Variants in TMEM178A observed in about 807,000 individuals in gnomAD.
The protein encoded by TMEM178A is transmembrane protein 178.
A neutral mutation model predicts 29.1 loss-of-function variants in TMEM178A; 12 were observed. That is an observed-to-expected ratio of 0.41 (90% confidence interval 0.26 to 0.67). The LOEUF (loss-of-function observed/expected upper bound fraction) is 0.67. TMEM178A is among the 30% of genes least tolerant of loss of function. The pLI, the probability that TMEM178A is intolerant of heterozygous loss-of-function variation, is 0.29. For synonymous variants in TMEM178A, 210 were observed against 187.2 expected, an observed-to-expected ratio of 1.12 and a Z score of -0.99; for missense variants, 366 against 419.1, an observed-to-expected ratio of 0.87 and a Z score of 1.11.
At chr2:39,708,925 A>G (rs531606745) in intron 3 of TMEM178A, among the ~76,000 whole-genome samples, 1 of 152,330 alleles carries the variant, frequency 6.6e-6, no homozygotes, top group Non-Finnish European at 1.5e-5. Context: ...TGAATGCCAC[A>G]TTAACTGGGC....
intron 1 of TMEM178A, among the ~76,000 whole-genome samples, chr2:39,683,259 A>G (rs1049481780): frequency 4.6e-5 from 7 of 152,260 alleles, no homozygotes; most frequent in Admixed American, 2.6e-4. Flanking sequence ...TACCTCCTCC[A>G]TCGTCCGTCC....
chr2:39,676,921 G>A (rs539487514), intron 1 of TMEM178A, among the ~76,000 whole-genome samples: 1 of 152,304 alleles, frequency 6.6e-6, no homozygotes, highest in South Asian at 2.1e-4. Flanking sequence ...TGTTTGAAGA[G>A]CTGTTTGAGT....
chr2:39,673,442 C>G (rs1392036074), intron 1 of TMEM178A, among the ~76,000 whole-genome samples: 1 of 152,226 alleles, frequency 6.6e-6, no homozygotes, highest in Non-Finnish European at 1.5e-5. Context: ...TGGATGTCCT[C>G]CAGTGTTCAG....
At chr2:39,682,799 A>AG (rs1167410739) in intron 1 of TMEM178A, among the ~76,000 whole-genome samples, 1 of 152,238 alleles carries the variant, frequency 6.6e-6, no homozygotes, top group Admixed American at 6.5e-5. Context: ...AGAATTACAT[A>AG]GCCAAGGGAC....
intron 2 of TMEM178A, among the ~76,000 whole-genome samples, chr2:39,704,892 G>T (rs2716680): frequency 0.024 from 3,603 of 152,290 alleles, 153 homozygotes; most frequent in African/African-American, 0.083. Context: ...AGGACTTCAG[G>T]ATCTTGTTTG....
intron 3 of TMEM178A, among the ~76,000 whole-genome samples, chr2:39,708,618 C>T (rs1001228440): frequency 6.6e-6 from 1 of 151,196 alleles, no homozygotes; most frequent in South Asian, 2.1e-4. Context: ...GGGGTTTCAC[C>T]GTGTTAGCCA....
At chr2:39,691,210 C>T (rs1558452859) in intron 1 of TMEM178A, among the ~76,000 whole-genome samples, 1 of 152,098 alleles carries the variant, frequency 6.6e-6, no homozygotes, top group Non-Finnish European at 1.5e-5. Flanking sequence ...CATCCAGATC[C>T]ACAATGCTCA....
At chr2:39,693,205 CCTT>C (rs1305665285) in intron 1 of TMEM178A, among the ~76,000 whole-genome samples, 2 of 152,208 alleles carry the variant, frequency 1.3e-5, no homozygotes, top group Non-Finnish European at 1.5e-5. Context: ...TTGCTTCCCA[CCTT>C]CTTTGGATGC....
intron 1 of TMEM178A, among the ~76,000 whole-genome samples, chr2:39,671,754 C>T (rs2148054139): frequency 6.6e-6 from 1 of 152,194 alleles, no homozygotes; most frequent in East Asian, 1.9e-4. Context: ...TGCCACTGTC[C>T]AAAGAATTTC....
rs762815150 is a variant in TMEM178A, at chr2:39,665,931, G to A, written c.-44G>A. ...TGGGGCCAAGTGCATTGTGTCTGGC[G>A]GCGGCGCGCGAGCCCACCGGCGGCT... On this transcript the variant is annotated 5_prime_UTR_variant, in exon 1 of 4. Coordinates refer to ENST00000281961, the MANE Select transcript of TMEM178A (RefSeq NM_152390.3). 6.7e-6 allele frequency: 9 copies of A among 1,344,874 alleles called. No homozygotes were observed. The highest frequency in any genetic ancestry group is 7.6e-6 in the Non-Finnish European group (8 of 1,052,630). The allele number at this position is 1,344,874 out of a possible 1,614,324, so 83.3% of individuals were successfully genotyped here. A position where few individuals can be genotyped will look rare whatever the true frequency, so the allele number is the denominator to read the frequency against.
At chr2:39,695,705 G>A (rs1490924768) in intron 1 of TMEM178A, among the ~76,000 whole-genome samples, 2 of 151,850 alleles carry the variant, frequency 1.3e-5, no homozygotes, top group Non-Finnish European at 2.9e-5. Context: ...ATAGATGGTA[G>A]GGGTCTAGAG....
chr2:39,690,035 G>A (rs73927032), intron 1 of TMEM178A, among the ~76,000 whole-genome samples: 2,869 of 152,274 alleles, frequency 0.019, 95 homozygotes, highest in African/African-American at 0.065. Context: ...CTCACAGGAC[G>A]TTGTCCAAGA....
the TMEM178A span, among the ~76,000 whole-genome samples, chr2:39,733,258 C>G: frequency 6.6e-6 from 1 of 152,162 alleles, no homozygotes; most frequent in South Asian, 2.1e-4. Context: ...CTGTAATAGG[C>G]ATTAAATCGA....
intron 1 of TMEM178A, among the ~76,000 whole-genome samples, chr2:39,691,611 A>C (rs1466508396): frequency 3.3e-5 from 5 of 152,126 alleles, no homozygotes; most frequent in African/African-American, 1.2e-4. Flanking sequence ...AAACTACCAT[A>C]TGACCTGGCA....
rs759300544 is a variant in TMEM178A, at chr2:39,665,952, C to T, written c.-23C>T. 6 of 1,341,608 alleles carry T rather than the reference C, an allele frequency of 4.5e-6. No homozygotes were observed. The highest frequency in any genetic ancestry group is 5.7e-6 in the Non-Finnish European group (6 of 1,048,754). The allele number at this position is 1,341,608 out of a possible 1,614,324, so 83.1% of individuals were successfully genotyped here. On this transcript the variant is annotated 5_prime_UTR_variant, in exon 1 of 4. Coordinates refer to ENST00000281961, the MANE Select transcript of TMEM178A (RefSeq NM_152390.3). ...TGGCGGCGGCGCGCGAGCCCACCGG[C>T]GGCTGCGGCGGGGCGGGAAGCCATG...
At chr2:39,684,064 T>C (rs746316542) in intron 1 of TMEM178A, among the ~76,000 whole-genome samples, 13 of 152,086 alleles carry the variant, frequency 8.5e-5, no homozygotes, top group Non-Finnish European at 1.8e-4. Flanking sequence ...AGTGCATGCA[T>C]CTACCTAGTT....
chr2:39,706,597 C>G (rs965492365), intron 2 of TMEM178A, among the ~76,000 whole-genome samples: 5 of 151,832 alleles, frequency 3.3e-5, no homozygotes, highest in African/African-American at 9.7e-5. Flanking sequence ...TTAAGTACAG[C>G]CACTACCAGG....
At chr2:39,733,065 T>C in the TMEM178A span, among the ~76,000 whole-genome samples, 2 of 152,212 alleles carry the variant, frequency 1.3e-5, no homozygotes, top group Admixed American at 6.5e-5. Context: ...TTATGGGTAT[T>C]CTGCAATTGC....
intron 1 of TMEM178A, among the ~76,000 whole-genome samples, chr2:39,679,245 T>C (rs578249893): frequency 4.6e-5 from 7 of 152,340 alleles, no homozygotes; most frequent in African/African-American, 1.7e-4. Flanking sequence ...TTGATTCAAA[T>C]CACGGTCATA....
Sources: allele counts gnomAD v4.1 joint callset (sites outside exome capture counted in the v4.1 genomes callset), GRCh38; gene constraint gnomAD v4.1.1; transcripts MANE v1.5; gene names NCBI Gene and HGNC (gene_info 2026-07-23, HGNC 2026-07-21).